Variants in ACMSD observed in about 807,000 individuals in gnomAD.
ACMSD encodes the protein 2-amino-3-carboxymuconate-6-semialdehyde decarboxylase.
Under a neutral mutation model 45.9 loss-of-function variants are expected in ACMSD, and 37 were observed. That is an observed-to-expected ratio of 0.81 (90% confidence interval 0.62 to 1.06). The LOEUF (loss-of-function observed/expected upper bound fraction) is 1.06. Among genes scored for constraint, ACMSD ranks in the 50% least tolerant of loss-of-function variants. ACMSD has a pLI of 0.00. For synonymous variants in ACMSD, 138 were observed against 148.8 expected, an observed-to-expected ratio of 0.93 and a Z score of 0.53; for missense variants, 434 against 420.9, an observed-to-expected ratio of 1.03 and a Z score of -0.27.
chr2:134,853,199 A>G (rs1340443146), intron 2 of ACMSD, among the ~76,000 whole-genome samples: 3 of 151,686 alleles, frequency 2.0e-5, no homozygotes, highest in African/African-American at 7.3e-5. Context: ...AAAGACAAGA[A>G]AATACATTTC....
At chr2:134,874,712 A>T (rs184312800) in intron 8 of ACMSD, among the ~76,000 whole-genome samples, 1 of 152,226 alleles carries the variant, frequency 6.6e-6, no homozygotes, top group African/African-American at 2.4e-5. Flanking sequence ...AACTCCAAGA[A>T]AACAAAAAAT....
chr2:134,881,211 G>A (rs1689018741), intron 8 of ACMSD, among the ~76,000 whole-genome samples: 1 of 152,180 alleles, frequency 6.6e-6, no homozygotes. Context: ...ATGTTGGCCA[G>A]GCTGGTCTCA....
At chr2:134,888,518 T>C (rs1689589258) in intron 8 of ACMSD, among the ~76,000 whole-genome samples, 1 of 152,076 alleles carries the variant, frequency 6.6e-6, no homozygotes, top group South Asian at 2.1e-4. Context: ...ACAGCTTGTA[T>C]AAAAAAGTTC....
At chr2:134,898,574 A>T in intron 9 of ACMSD, 135 bp downstream of exon 9, 1 of 494,186 alleles carries the variant, frequency 2.0e-6, no homozygotes, top group Non-Finnish European at 3.5e-6. Flanking sequence ...CTATTACTCT[A>T]TCTCCATAAA....
At chr2:134,856,696 GTTCT>G (rs1290943277) in intron 2 of ACMSD, among the ~76,000 whole-genome samples, 1 of 152,062 alleles carries the variant, frequency 6.6e-6, no homozygotes, top group Non-Finnish European at 1.5e-5. Context: ...TTGCCATTGA[GTTCT>G]TTGAGTTCCT....
intron 3 of ACMSD, 141 bp from the exon 4 acceptor site, chr2:134,861,828 G>A: frequency 1.2e-6 from 1 of 836,946 alleles, no homozygotes; most frequent in South Asian, 1.4e-5. Flanking sequence ...GGGGGGTCCA[G>A]GGAGAGGACT....
At chr2:134,856,905 G>GT (rs79389559) in intron 2 of ACMSD, among the ~76,000 whole-genome samples, 76,695 of 150,878 alleles carry the variant, frequency 0.51, 20,328 homozygotes, top group Middle Eastern at 0.81. Flanking sequence ...GAAATGTATG[G>GT]TTTTTTTTTC....
At chr2:134,869,001 A>C (rs1688280498) in intron 6 of ACMSD, 1 of 152,114 alleles carries the variant, frequency 6.6e-6, no homozygotes, top group African/African-American at 2.4e-5. Flanking sequence ...GATTTCTCCA[A>C]AGGCCTCTTT....
intron 4 of ACMSD, among the ~76,000 whole-genome samples, 186 bp downstream of exon 4, chr2:134,862,204 C>T (rs900355579): frequency 6.6e-6 from 1 of 152,128 alleles, no homozygotes; most frequent in Non-Finnish European, 1.5e-5. Flanking sequence ...TGCTCCAGTA[C>T]GGTAGCCAGT....
chr2:134,862,939 G>A, intron 4 of ACMSD: 3 of 984,248 alleles, frequency 3.0e-6, no homozygotes, highest in Non-Finnish European at 3.6e-6. Flanking sequence ...ACAGAGAGGA[G>A]GACAGGCAGG....
rs577117529 is a variant in ACMSD, at chr2:134,896,794, C to T, written c.850-1547C>T. 1.6e-4 allele frequency among the ~76,000 whole-genome samples: 25 copies of T among 152,162 alleles called. No individual in the cohort carries two copies. The South Asian group carries it at 4.4e-3, about 27-fold the overall frequency. On this transcript the variant is annotated intron_variant, in intron 8 of 9. Coordinates refer to ENST00000356140, the MANE Select transcript of ACMSD (RefSeq NM_138326.3). ...GCGCCAGCACTTCCACTCTTAGGTA[C>T]GTATTGATTCAAGCAATAACATGGG...
intron 1 of ACMSD, among the ~76,000 whole-genome samples, chr2:134,839,917 T>G (rs1399610234): frequency 5.3e-5 from 8 of 152,078 alleles, no homozygotes; most frequent in Admixed American, 5.2e-4. Context: ...ATGAAGGGAA[T>G]GCACCAGTTA....
chr2:134,865,220 G>T (rs1688041525), intron 5 of ACMSD, among the ~76,000 whole-genome samples: 1 of 152,186 alleles, frequency 6.6e-6, no homozygotes, highest in African/African-American at 2.4e-5. Flanking sequence ...AAGATTTAAT[G>T]TTCCTCAATA....
intron 2 of ACMSD, among the ~76,000 whole-genome samples, chr2:134,852,201 G>A (rs868235158): frequency 1.1e-4 from 17 of 152,190 alleles, no homozygotes; most frequent in Admixed American, 2.0e-4. Flanking sequence ...AGGTTAAGGA[G>A]TCTGGATTTC....
At chr2:134,850,941 C>T (rs1205504902) in intron 2 of ACMSD, among the ~76,000 whole-genome samples, 6 of 152,272 alleles carry the variant, frequency 3.9e-5, no homozygotes, top group Non-Finnish European at 8.8e-5. Flanking sequence ...CAGGCCTTGT[C>T]TCCTCCCTCC....
At chr2:134,870,943 T>C in intron 6 of ACMSD, 22 bp from the exon 7 acceptor site, 1 of 1,603,088 alleles carries the variant, frequency 6.2e-7, no homozygotes. Context: ...TCCCTGAACC[T>C]TGTGACTATT....
At chr2:134,847,443 G>C (rs957462630) in intron 2 of ACMSD, among the ~76,000 whole-genome samples, 25 of 142,426 alleles carry the variant, frequency 1.8e-4, no homozygotes, top group African/African-American at 5.2e-4. Context: ...TAGATAGATA[G>C]ATAGATATAG....
At chr2:134,870,136 A>G (rs1481871119) in intron 6 of ACMSD, among the ~76,000 whole-genome samples, 11 of 152,206 alleles carry the variant, frequency 7.2e-5, no homozygotes, top group Non-Finnish European at 1.6e-4. Context: ...GGTGCAGGGC[A>G]CAGCTGTGGA....
chr2:134,840,004 CCCT>C (rs1211044198), intron 1 of ACMSD, among the ~76,000 whole-genome samples: 1 of 151,678 alleles, frequency 6.6e-6, no homozygotes, highest in Non-Finnish European at 1.5e-5. Flanking sequence ...CACTTTCTAC[CCCT>C]CATTTATGAG....
Sources: gnomAD v4.1 joint callset for allele counts (sites outside exome capture counted in the v4.1 genomes callset) on GRCh38, gnomAD v4.1.1 for gene constraint, MANE v1.5 for transcripts, NCBI Gene and HGNC (gene_info 2026-07-23, HGNC 2026-07-21) for gene names.